The following BCO1 variants were observed in gnomAD, a reference collection of about 807,000 sequenced individuals.
The protein encoded by BCO1 is beta-carotene oxygenase 1, also known as beta,beta-carotene 15,15'-dioxygenase.
In BCO1, 54 loss-of-function variants were observed where a neutral mutation model predicts 56.3. That is an observed-to-expected ratio of 0.96 (90% CI 0.77 to 1.20). The LOEUF is 1.20. Ranked by LOEUF, BCO1 falls within the 50% of genes most tolerant of loss-of-function variation. The pLI is 0.00. For missense variants in BCO1, 801 were observed against 690.9 expected (o/e 1.16, Z -1.79); for synonymous variants, 318 against 266.1 (o/e 1.20, Z -1.90).
At chr16:81,251,259 A>T (rs1238705562) in intron 2 of BCO1, among the ~76,000 whole-genome samples, 1 of 147,550 alleles carries the variant, frequency 6.8e-6, no homozygotes, top group Non-Finnish European at 1.5e-5. Context: ...TTAATGCTCT[A>T]AAAAAAAAAC....
chr16:81,253,743 C>T (rs371992908), intron 2 of BCO1, among the ~76,000 whole-genome samples: 1 of 152,132 alleles, frequency 6.6e-6, no homozygotes, highest in Non-Finnish European at 1.5e-5. Context: ...GCGGGAGGAT[C>T]GCTTGAGTCC....
intron 10 of BCO1, among the ~76,000 whole-genome samples, chr16:81,287,876 C>A (rs932973211): frequency 6.6e-6 from 1 of 152,080 alleles, no homozygotes. Context: ...CAGGAAGCTC[C>A]CCTGAGACTC....
At chr16:81,259,541 C>G in intron 2 of BCO1, 135 bp from the exon 3 acceptor site, 1 of 871,972 alleles carries the variant, frequency 1.1e-6, no homozygotes. Flanking sequence ...ATTGTATCGG[C>G]CCTGTGTACT....
At chr16:81,282,861 ACT>A (rs1316218218) in intron 8 of BCO1, among the ~76,000 whole-genome samples, 1 of 151,764 alleles carries the variant, frequency 6.6e-6, no homozygotes. Context: ...GAGTTCTCAG[ACT>A]CTCTCATTTC....
chr16:81,268,200 G>A, intron 6 of BCO1, 69 bp downstream of exon 6: 1 of 1,451,906 alleles, frequency 6.9e-7, no homozygotes, highest in South Asian at 1.1e-5. Context: ...TGTGCAGGAG[G>A]GTGAAGTTTA....
rs562913371 is a variant in BCO1, at chr16:81,282,092, G to A, written c.1207+1130G>A. The stretch of plus-strand genomic sequence containing the variant: ...GGGACAGAGTGCATTTCAACTGAGC[G>A]CATTGGCTGGGCACGGTGGCTCACG... On this transcript the variant is annotated intron_variant, in intron 8 of 10. Transcript: ENST00000258168. 5.9e-5 allele frequency among the ~76,000 whole-genome samples: 9 copies of A among 152,274 alleles called. No individual in the cohort carries two copies. The South Asian group carries it at 1.2e-3, about 21-fold the overall frequency.
chr16:81,279,031 C>T (rs1047682321), intron 7 of BCO1, among the ~76,000 whole-genome samples: 5 of 152,184 alleles, frequency 3.3e-5, no homozygotes, highest in African/African-American at 9.7e-5. Flanking sequence ...AATCCCAGCA[C>T]TTTGGGAGGT....
chr16:81,269,121 T>C (rs1350881031), intron 6 of BCO1, among the ~76,000 whole-genome samples: 1 of 142,902 alleles, frequency 7.0e-6, no homozygotes, highest in African/African-American at 2.8e-5. Flanking sequence ...AAATATCCAG[T>C]AGTTCTCAGT....
intron 1 of BCO1, 91 bp from the exon 2 acceptor site, chr16:81,245,384 C>T (rs2151926157): frequency 6.3e-7 from 1 of 1,590,826 alleles, no homozygotes; most frequent in Non-Finnish European, 8.6e-7. Flanking sequence ...GTACTGGGAC[C>T]ACAACTCTCA....
intron 8 of BCO1, among the ~76,000 whole-genome samples, chr16:81,281,885 A>G (rs1016533141): frequency 3.3e-5 from 5 of 152,248 alleles, no homozygotes; most frequent in African/African-American, 1.2e-4. Flanking sequence ...ATCTCATGGG[A>G]GCACCATTGC....
chr16:81,278,735 C>G (rs1907698310), intron 7 of BCO1, among the ~76,000 whole-genome samples: 1 of 152,202 alleles, frequency 6.6e-6, no homozygotes, highest in African/African-American at 2.4e-5. Context: ...CCTTCACCCT[C>G]TACCAGCAAT....
In BCO1 at chr16:81,270,380, C is replaced by A; in HGVS notation, c.1065C>A (p.Thr355=). 6.2e-7 allele frequency: 1 copy of A among 1,614,118 alleles called. No individual in the cohort carries two copies. The highest frequency in any genetic ancestry group is 8.5e-7 in the Non-Finnish European group (1 of 1,180,020). The stretch of plus-strand genomic sequence containing the variant: ...ACTCCAGGCTCACCTCGGTCCCCAC[C>A]CTCAGGAGGTTTGCCGTGCCCCTCC... The part of the protein sequence containing the change: ...KENSRLTSVP[T]LRRFAVPLHV... Residue 355 remains threonine, a synonymous_variant, in exon 7 of 11, where the codon ACC becomes ACA. Coordinates refer to ENST00000258168, the MANE Select transcript of BCO1 (RefSeq NM_017429.3).
At chr16:81,244,668 G>C (rs1378776068) in intron 1 of BCO1, among the ~76,000 whole-genome samples, 1 of 150,058 alleles carries the variant, frequency 6.7e-6, no homozygotes, top group Admixed American at 6.7e-5. Context: ...CCCGAGGGCT[G>C]TTCTGTTTCA....
At chr16:81,279,390 C>T (rs1416294657) in intron 7 of BCO1, among the ~76,000 whole-genome samples, 2 of 152,138 alleles carry the variant, frequency 1.3e-5, no homozygotes, top group African/African-American at 4.8e-5. Context: ...TCTTCCAGAG[C>T]CTAACCCGTA....
chr16:81,245,666 A>T, intron 2 of BCO1, 63 bp downstream of exon 2: 1 of 1,602,964 alleles, frequency 6.2e-7, no homozygotes, highest in Non-Finnish European at 8.5e-7. Context: ...CAGTGCCTTA[A>T]AACAGCACAA....
At chr16:81,275,166 G>A (rs1314253056) in intron 7 of BCO1, among the ~76,000 whole-genome samples, 2 of 152,242 alleles carry the variant, frequency 1.3e-5, no homozygotes, top group Non-Finnish European at 2.9e-5. Context: ...AGCGACTTCA[G>A]GAAGATGCTG....
chr16:81,288,017 T>C (rs1908280382), intron 10 of BCO1, among the ~76,000 whole-genome samples: 1 of 152,126 alleles, frequency 6.6e-6, no homozygotes, highest in Non-Finnish European at 1.5e-5. Context: ...CCACCATAAA[T>C]CCCACTGTAA....
intron 8 of BCO1, among the ~76,000 whole-genome samples, chr16:81,283,372 C>T (rs773034861): frequency 1.3e-5 from 2 of 151,704 alleles, no homozygotes; most frequent in Non-Finnish European, 1.5e-5. Context: ...GGTGGGGCAT[C>T]TGAGGTCAAG....
chr16:81,256,518 T>C (rs1906145062), intron 2 of BCO1, among the ~76,000 whole-genome samples: 1 of 152,158 alleles, frequency 6.6e-6, no homozygotes, highest in Non-Finnish European at 1.5e-5. Flanking sequence ...TTAATGTCAT[T>C]TGCGAATTAA....
Sources: gnomAD v4.1 joint callset for allele counts (sites outside exome capture counted in the v4.1 genomes callset) on GRCh38, gnomAD v4.1.1 for gene constraint, MANE v1.5 for transcripts, NCBI Gene and HGNC (gene_info 2026-07-23, HGNC 2026-07-21) for gene names.